The following PCDHGB3 variants were observed in gnomAD, a reference collection of about 807,000 sequenced individuals.
The protein encoded by PCDHGB3 is protocadherin gamma subfamily B, 3, also known as protocadherin gamma-B3.
Under a neutral mutation model 59.2 loss-of-function variants are expected in PCDHGB3, and 40 were observed. That is an observed-to-expected ratio of 0.68 (90% CI 0.52 to 0.88). The LOEUF (loss-of-function observed/expected upper bound fraction) is 0.88, where lower values mean the gene tolerates loss of function less well. PCDHGB3 is among the 40% of genes least tolerant of loss of function. PCDHGB3 has a pLI of 0.00. For synonymous variants in PCDHGB3, 581 were observed against 503.6 expected, an observed-to-expected ratio of 1.15 and a Z score of -2.06; for missense variants, 1,309 against 1,187.9, an observed-to-expected ratio of 1.10 and a Z score of -1.50.
chr5:141,470,597 T>A (rs1309687738), intron 1 of PCDHGB3, among the ~76,000 whole-genome samples: 5 of 152,216 alleles, frequency 3.3e-5, no homozygotes, highest in Non-Finnish European at 7.3e-5. Flanking sequence ...AGGCGACCTG[T>A]GCGGGGACAC....
intron 1 of PCDHGB3, among the ~76,000 whole-genome samples, chr5:141,459,646 T>C (rs2098972004): frequency 6.6e-6 from 1 of 152,266 alleles, no homozygotes; most frequent in Non-Finnish European, 1.5e-5. Context: ...TTTTTCAAAA[T>C]GGTAATATCA....
At chr5:141,420,412 T>G in intron 1 of PCDHGB3, 1 of 1,225,004 alleles carries the variant, frequency 8.2e-7, no homozygotes, top group African/African-American at 1.6e-5. Flanking sequence ...TGGTTATCAT[T>G]ATTAAAACAA....
At chr5:141,479,877 T>C (rs967661238) in intron 1 of PCDHGB3, among the ~76,000 whole-genome samples, 2 of 152,188 alleles carry the variant, frequency 1.3e-5, no homozygotes, top group African/African-American at 4.8e-5. Flanking sequence ...GAGAACCCTA[T>C]ACATACTCTC....
At chr5:141,408,076 A>C in intron 1 of PCDHGB3, 1 of 1,399,800 alleles carries the variant, frequency 7.1e-7, no homozygotes. Flanking sequence ...GACCTTTCCC[A>C]GCACAGCGGA....
chr5:141,409,018 G>A (rs369210340), intron 1 of PCDHGB3: 31 of 1,613,814 alleles, frequency 1.9e-5, no homozygotes, highest in Non-Finnish European at 2.5e-5. Context: ...AGGATGAGGG[G>A]GTCAATGCTG....
intron 1 of PCDHGB3, chr5:141,412,940 T>G: frequency 2.2e-6 from 1 of 463,218 alleles, no homozygotes; most frequent in Non-Finnish European, 3.8e-6. Context: ...CTTAGGACTC[T>G]GAGCGCCGCT....
At chr5:141,469,836 T>C (rs2099212875) in intron 1 of PCDHGB3, among the ~76,000 whole-genome samples, 1 of 152,064 alleles carries the variant, frequency 6.6e-6, no homozygotes, top group South Asian at 2.1e-4. Flanking sequence ...ATAAAACTTA[T>C]TCTTAAGATT....
Position 141,450,006 on chromosome 5 carries a change from C to CTATTTTTT in PCDHGB3, c.2416-44800_2416-44799insATTTTTTT, listed in dbSNP as rs70988802. Among the ~76,000 whole-genome samples the CTATTTTTT allele has an allele frequency of 4.4e-4, 58 of 132,942 alleles. 2 individuals carry two copies. The highest frequency in any genetic ancestry group is 8.4e-4 in the African/African-American group (30 of 35,608). The allele number at this position is 132,942 out of a possible 152,430, so 87.2% of individuals were successfully genotyped here. A position where few individuals can be genotyped will look rare whatever the true frequency, so the allele number is the denominator to read the frequency against. ...CACATTGCATTTAGTTGCCATGTCT[C>CTATTTTTT]TTTTTTTTTTTTTTTTTTGAGACAG... On this transcript the variant is annotated intron_variant, in intron 1 of 3. Coordinates refer to ENST00000576222, the MANE Select transcript of PCDHGB3 (RefSeq NM_018924.5).
At chr5:141,479,328 G>C (rs568506786) in intron 1 of PCDHGB3, 3 of 152,536 alleles carry the variant, frequency 2.0e-5, no homozygotes, top group African/African-American at 7.2e-5. Context: ...CAGACTCAGT[G>C]GTGTGCACCT....
At chr5:141,398,963 ATTCCT>A in intron 1 of PCDHGB3, 1 of 1,613,976 alleles carries the variant, frequency 6.2e-7, no homozygotes, top group Non-Finnish European at 8.5e-7. Flanking sequence ...GAAATTACTT[ATTCCT>A]TCTACAGAAC....
At chr5:141,462,980 G>T (rs1249102130) in intron 1 of PCDHGB3, among the ~76,000 whole-genome samples, 1 of 152,006 alleles carries the variant, frequency 6.6e-6, no homozygotes, top group Non-Finnish European at 1.5e-5. Flanking sequence ...AGTAACTTTT[G>T]CCTTGGGCTA....
At chr5:141,378,078 T>C (rs1215089288) in intron 1 of PCDHGB3, 1 of 152,178 alleles carries the variant, frequency 6.6e-6, no homozygotes, top group South Asian at 2.1e-4. Context: ...GAAAATAATT[T>C]TATAACTTTT....
chr5:141,473,497 C>T (rs2099323546), intron 1 of PCDHGB3, among the ~76,000 whole-genome samples: 1 of 152,106 alleles, frequency 6.6e-6, no homozygotes, highest in Non-Finnish European at 1.5e-5. Context: ...ATAAGGTGTT[C>T]TGAGAGAGCA....
rs201409669 is a variant in PCDHGB3 at position 141,490,703 on chromosome 5, G to A, written c.2416-4104G>A. The stretch of plus-strand genomic sequence containing the variant: ...GATCCAGACACTGGGGATAATGCCC[G>A]CCTCACCTACTCCATTGTAGGAAAT... On this transcript the variant is annotated intron_variant, in intron 1 of 3. Coordinates refer to ENST00000576222, the MANE Select transcript of PCDHGB3 (RefSeq NM_018924.5). This position sits in a 1 kb window ranked among gnomAD's most constrained non-coding sequence, Gnocchi z 5.4. 2.6e-4 allele frequency: 421 copies of A among 1,614,106 alleles called. No homozygotes were observed. Among genetic ancestry groups the A allele is most frequent in the Middle Eastern group, 6.6e-4 (4 of 6,062 alleles).
At chr5:141,408,847 G>A in intron 1 of PCDHGB3, 1 of 1,613,498 alleles carries the variant, frequency 6.2e-7, no homozygotes, top group African/African-American at 1.3e-5. Flanking sequence ...TGACTGCCTT[G>A]GACGGAGGGG....
intron 1 of PCDHGB3, among the ~76,000 whole-genome samples, chr5:141,482,530 C>CGAAAAAAA (rs2099566141): frequency 1.3e-5 from 1 of 76,562 alleles, no homozygotes; most frequent in African/African-American, 4.8e-5. Context: ...GACAGACATG[C>CGAAAAAAA]AAAAAAAAAA....
rs750014647 is a variant in PCDHGB3, at chr5:141,426,649, T to C, written c.2415+53840T>C. 53 of 418,716 alleles carry C rather than the reference T, an allele frequency of 1.3e-4. 1 individual carries two copies. Among genetic ancestry groups the C allele is most frequent in the South Asian group, 6.9e-4 (42 of 60,762 alleles). The allele number at this position is 418,716 out of a possible 1,614,324, so 25.9% of individuals were successfully genotyped here. On this transcript the variant is annotated intron_variant, in intron 1 of 3. Coordinates refer to ENST00000576222, the MANE Select transcript of PCDHGB3 (RefSeq NM_018924.5). Reference sequence around the variant, plus strand: ...AATGTTTTTCACATAAATGTGATGATAGAAGATATAAATGATAACCCACCT... The same window carrying C: ...AATGTTTTTCACATAAATGTGATGACAGAAGATATAAATGATAACCCACCT...
chr5:141,376,485 A>G (rs1772740075), intron 1 of PCDHGB3: 1 of 1,614,056 alleles, frequency 6.2e-7, no homozygotes, highest in Non-Finnish European at 8.5e-7. Context: ...CTTGAAACGA[A>G]AGGAGAACCC....
intron 1 of PCDHGB3, chr5:141,408,732 AT>A (rs1172232848): frequency 6.2e-7 from 1 of 1,610,014 alleles, no homozygotes; most frequent in Non-Finnish European, 8.5e-7. Context: ...TCTAATCCTT[AT>A]TTTTCATTAA....
Sources: gnomAD v4.1 joint callset for allele counts (sites outside exome capture counted in the v4.1 genomes callset) on GRCh38, gnomAD v4.1.1 for gene constraint, Gnocchi (gnomAD v3.1) non-coding constraint, MANE v1.5 for transcripts, NCBI Gene and HGNC (gene_info 2026-07-23, HGNC 2026-07-21) for gene names.